The following ZNF280C variants were observed in gnomAD, a reference collection of about 807,000 sequenced individuals.
ZNF280C encodes the protein suppressor of hairy wing homolog 3.
Under a neutral mutation model 53.6 loss-of-function variants are expected in ZNF280C, and 14 were observed. The observed-to-expected ratio is 0.26, with a 90% CI of 0.17 to 0.41. The LOEUF (loss-of-function observed/expected upper bound fraction) is 0.41, where lower values mean the gene tolerates loss of function less well. ZNF280C is among the 10% of genes least tolerant of loss of function. The pLI is 1.00. For synonymous variants in ZNF280C, 203 were observed against 181.1 expected (o/e 1.12, Z -0.97); for missense variants, 416 against 547.1 (o/e 0.76, Z 2.39).
intron 5 of ZNF280C, among the ~76,000 whole-genome samples, chrX:130,240,103 T>C (rs1284288154): frequency 2.7e-5 from 3 of 111,360 alleles, no homozygotes; most frequent in East Asian, 5.5e-4. Context: ...AAATGTTTAA[T>C]GAAGAATGAT....
In ZNF280C at chrX:130,208,783, C is replaced by T. The variant is rs2032009001; in HGVS notation, c.2042+870G>A. Among the ~76,000 whole-genome samples the T allele has an allele frequency of 3.7e-5, 4 of 109,092 alleles. No homozygotes were observed. In the East Asian group the frequency reaches 1.2e-3, roughly 31 times the overall value. 94.7% of individuals were successfully genotyped at this position (109,092 alleles called of 115,157 possible). ...CAATCTCGGCTCACTGCAACCTCTG[C>T]CCTCCGGGTTCAAGCGATTCTCCTG... On this transcript the variant is annotated intron_variant, in intron 16 of 18. Coordinates refer to ENST00000370978, the MANE Select transcript of ZNF280C (RefSeq NM_017666.5).
intron 1 of ZNF280C, among the ~76,000 whole-genome samples, chrX:130,261,783 G>C (rs2032632791): frequency 1.8e-5 from 2 of 111,424 alleles, no homozygotes; most frequent in South Asian, 7.4e-4. Flanking sequence ...CAATTGCACA[G>C]CCTATGAGAT....
At chrX:130,265,969 TTTC>T (rs1195873285) in intron 1 of ZNF280C, among the ~76,000 whole-genome samples, 4 of 112,003 alleles carry the variant, frequency 3.6e-5, no homozygotes, top group African/African-American at 9.7e-5. Context: ...TATCCCAGGA[TTTC>T]TTTTCACTTA....
chrX:130,239,408 T>C (rs1001152087), intron 6 of ZNF280C, among the ~76,000 whole-genome samples, 174 bp downstream of exon 6: 3 of 111,603 alleles, frequency 2.7e-5, no homozygotes, highest in Non-Finnish European at 5.7e-5. Flanking sequence ...TATCACTAAA[T>C]ACAATTTTCT....
chrX:130,204,788 T>G lies in ZNF280C; in HGVS notation c.*189A>C. The G allele has an allele frequency of 2.8e-6, 1 of 356,789 alleles. No individual in the cohort carries two copies. Among genetic ancestry groups the G allele is most frequent in the Non-Finnish European group, 4.9e-6 (1 of 203,290 alleles). 29.4% of individuals were successfully genotyped at this position (356,789 alleles called of 1,213,427 possible). On this transcript the variant is annotated 3_prime_UTR_variant, in exon 19 of 19. Transcript: ENST00000370978. ...AAAAATATGTTAAGATATGTTAACC[T>G]GACGCAAAGATAAGGTGGAATAACA...
In ZNF280C at chrX:130,203,858, T is replaced by TAA. The variant is rs1461250841; in HGVS notation, c.*1118_*1119insTT. ...GATATTCCTTGGACTGCATGCCTGC[T>TAA]AGAGGAAGATTAAAGAACAGCAGCC... is the stretch of plus-strand genomic sequence containing the variant. On this transcript the variant is annotated 3_prime_UTR_variant, in exon 19 of 19. Transcript: ENST00000370978. 4.5e-5 allele frequency: 5 copies of TAA among 110,770 alleles called. No homozygotes were observed. Among genetic ancestry groups the TAA allele is most frequent in the African/African-American group, 1.6e-4 (5 of 30,497 alleles). 9.1% of individuals were successfully genotyped at this position (110,770 alleles called of 1,213,427 possible).
chrX:130,232,366 T>C (rs1225864480), intron 8 of ZNF280C, among the ~76,000 whole-genome samples: 5 of 108,576 alleles, frequency 4.6e-5, no homozygotes, highest in East Asian at 5.7e-4. Flanking sequence ...AATTTATTTA[T>C]TGTATATATT....
chrX:130,255,994 A>G (rs1243367818), intron 2 of ZNF280C, among the ~76,000 whole-genome samples: 1 of 111,204 alleles, frequency 9.0e-6, no homozygotes, highest in Non-Finnish European at 1.9e-5. Flanking sequence ...TTAGTCAGGC[A>G]TGGTGGTGTG....
chrX:130,268,627 C>T (rs2032716429), intron 1 of ZNF280C, 135 bp downstream of exon 1: 2 of 112,327 alleles, frequency 1.8e-5, no homozygotes, highest in Admixed American at 1.9e-4. Flanking sequence ...CCCCCGCACC[C>T]CCGTCGATCC....
chrX:130,267,867 T>A (rs1255679346), intron 1 of ZNF280C, among the ~76,000 whole-genome samples: 1 of 111,703 alleles, frequency 9.0e-6, no homozygotes, highest in Non-Finnish European at 1.9e-5. Flanking sequence ...GTAAAAAAAA[T>A]TTAAGGTCGC....
intron 2 of ZNF280C, among the ~76,000 whole-genome samples, chrX:130,258,756 T>C (rs763934677): frequency 5.3e-5 from 6 of 112,383 alleles, no homozygotes; most frequent in South Asian, 3.7e-4. Flanking sequence ...TTCTTCCACC[T>C]GGAATACCCT....
At chrX:130,226,342 C>CT (rs1182298226) in intron 12 of ZNF280C, among the ~76,000 whole-genome samples, 1 of 111,642 alleles carries the variant, frequency 9.0e-6, no homozygotes, top group Non-Finnish European at 1.9e-5. Context: ...AGTCCTTAAT[C>CT]TTATGTTCCT....
chrX:130,213,530 C>T (rs756847344), intron 15 of ZNF280C, among the ~76,000 whole-genome samples: 47 of 112,099 alleles, frequency 4.2e-4, no homozygotes, highest in African/African-American at 1.5e-3. Flanking sequence ...GCAAAGATAG[C>T]AAGACTAAGC....
intron 9 of ZNF280C, among the ~76,000 whole-genome samples, 154 bp from the exon 10 acceptor site, chrX:130,229,288 T>C (rs919294561): frequency 8.9e-6 from 1 of 112,375 alleles, no homozygotes; most frequent in Non-Finnish European, 1.9e-5. Flanking sequence ...GTGTGTACTT[T>C]AAATAATTTA....
chrX:130,268,649 G>A (rs1329752292), intron 1 of ZNF280C, 113 bp downstream of exon 1: 1 of 112,564 alleles, frequency 8.9e-6, no homozygotes, highest in Non-Finnish European at 1.9e-5. Flanking sequence ...CACCGGCATA[G>A]AGACCCTCAG....
At chrX:130,259,583 G>A (rs1296880172) in intron 2 of ZNF280C, among the ~76,000 whole-genome samples, 1 of 112,450 alleles carries the variant, frequency 8.9e-6, no homozygotes, top group Non-Finnish European at 1.9e-5. Context: ...TTGTGATTAT[G>A]TATACTAAAC....
intron 13 of ZNF280C, among the ~76,000 whole-genome samples, chrX:130,217,944 G>A (rs1256879009): frequency 8.9e-6 from 1 of 111,944 alleles, no homozygotes; most frequent in African/African-American, 3.2e-5. Context: ...GCCAAGGTGG[G>A]TGGACTGCCT....
intron 5 of ZNF280C, among the ~76,000 whole-genome samples, chrX:130,240,928 T>C (rs1426542035): frequency 4.5e-5 from 5 of 112,242 alleles, no homozygotes; most frequent in Non-Finnish European, 9.4e-5. Flanking sequence ...AAAATGTACT[T>C]GCCTCTTTCA....
chrX:130,236,693 A>G (rs1161454109), intron 6 of ZNF280C, 54 bp from the exon 7 acceptor site: 16 of 900,764 alleles, frequency 1.8e-5, no homozygotes, highest in Non-Finnish European at 2.1e-5. Context: ...AGTATGGAAT[A>G]TTGCTTATGT....
Sources: allele counts gnomAD v4.1 joint callset (sites outside exome capture counted in the v4.1 genomes callset), GRCh38; gene constraint gnomAD v4.1.1; transcripts MANE v1.5; gene names NCBI Gene and HGNC (gene_info 2026-07-23, HGNC 2026-07-21).